Variants in XRCC4 observed in about 807,000 individuals in gnomAD.
XRCC4 encodes DNA repair protein XRCC4.
A neutral mutation model predicts 39.1 loss-of-function variants in XRCC4; 28 were observed. That is an observed-to-expected ratio of 0.72 (90% confidence interval 0.53 to 0.98). XRCC4 has a LOEUF of 0.98. Among genes scored for constraint, XRCC4 ranks in the 50% least tolerant of loss-of-function variants. The pLI is 0.00. For missense variants in XRCC4, 350 were observed against 376.4 expected, an observed-to-expected ratio of 0.93 and a Z score of 0.58; for synonymous variants, 123 against 126.4, an observed-to-expected ratio of 0.97 and a Z score of 0.18.
chr5:83,195,009 A>T (rs1401891074), intron 3 of XRCC4, among the ~76,000 whole-genome samples: 1 of 152,140 alleles, frequency 6.6e-6, no homozygotes, highest in East Asian at 1.9e-4. Context: ...ATAATTTGTT[A>T]TCTGTTATAA....
intron 3 of XRCC4, among the ~76,000 whole-genome samples, chr5:83,170,592 C>A (rs1490270568): frequency 6.6e-6 from 1 of 152,134 alleles, no homozygotes; most frequent in South Asian, 2.1e-4. Context: ...GCTCTCAGCT[C>A]CTAGAGGCCA....
At chr5:83,204,780 C>T (rs1216927800) in intron 5 of XRCC4, 35 bp from the exon 6 acceptor site, 1 of 1,538,708 alleles carries the variant, frequency 6.5e-7, no homozygotes, top group Non-Finnish European at 8.9e-7. Flanking sequence ...GGGGGTGAGC[C>T]AGTTATTTAT....
chr5:83,090,517 T>G (rs1444292622), intron 1 of XRCC4, among the ~76,000 whole-genome samples: 1 of 152,194 alleles, frequency 6.6e-6, no homozygotes, highest in Non-Finnish European at 1.5e-5. Context: ...GGTATGTCTA[T>G]CAGCAGTGTG....
rs142332594 is a variant in XRCC4, at chr5:83,311,601, G to A, written c.894-41530G>A. Among the ~76,000 whole-genome samples, 125 of 151,988 alleles carry A rather than the reference G, an allele frequency of 8.2e-4. 1 individual carries two copies. The East Asian group carries it at 0.022, about 27-fold the overall frequency. ...TTTTGTGGCAGAGAAGTATAATAAT[G>A]TCAGCAATAAAAGACTTTCAACCAT... is the stretch of plus-strand genomic sequence containing the variant. On this transcript the variant is annotated intron_variant, in intron 7 of 7. Coordinates refer to ENST00000396027, the MANE Select transcript of XRCC4 (RefSeq NM_003401.5).
chr5:83,230,665 A>G (rs1232323697), intron 6 of XRCC4, among the ~76,000 whole-genome samples: 4 of 152,008 alleles, frequency 2.6e-5, no homozygotes, highest in African/African-American at 4.8e-5. Flanking sequence ...TTTTTATAGC[A>G]TATGTTACAA....
At chr5:83,162,923 C>CT (rs376434538) in intron 3 of XRCC4, among the ~76,000 whole-genome samples, 34 of 137,852 alleles carry the variant, frequency 2.5e-4, no homozygotes, top group East Asian at 2.1e-3. Flanking sequence ...TTTCCTTTTT[C>CT]TTTTTTTTTT....
At chr5:83,151,707 G>A (rs1447135456) in intron 3 of XRCC4, among the ~76,000 whole-genome samples, 1 of 152,068 alleles carries the variant, frequency 6.6e-6, no homozygotes, top group Non-Finnish European at 1.5e-5. Context: ...CCTCACCAAT[G>A]TTCTGTGTGC....
chr5:83,231,065 G>A (rs1271895997), intron 6 of XRCC4, among the ~76,000 whole-genome samples: 1 of 151,984 alleles, frequency 6.6e-6, no homozygotes, highest in African/African-American at 2.4e-5. Flanking sequence ...ATACATGTCT[G>A]TAAGGAGAGG....
chr5:83,354,309 A>G (rs1425586894), downstream of XRCC4, among the ~76,000 whole-genome samples: 1 of 152,216 alleles, frequency 6.6e-6, no homozygotes, highest in African/African-American at 2.4e-5. Context: ...CCCAATAGTT[A>G]AAAGTTTGAG....
At position 83,274,498 on chromosome 5, in the gene XRCC4, A is replaced by G. The variant is rs185931479; in HGVS notation, c.893+15821A>G. ...AGGATAGAAGACATGGTGGGGAGCAAAACAGCTGAGATTATGTTTTAGTGG... is the reference window on the plus strand; with the variant it reads ...AGGATAGAAGACATGGTGGGGAGCAGAACAGCTGAGATTATGTTTTAGTGG... On this transcript the variant is annotated intron_variant, in intron 7 of 7. Coordinates refer to ENST00000396027, the MANE Select transcript of XRCC4 (RefSeq NM_003401.5). 9.2e-5 allele frequency among the ~76,000 whole-genome samples: 14 copies of G among 152,308 alleles called. No homozygotes were observed. In the East Asian group the frequency reaches 2.7e-3, roughly 29 times the overall value.
intron 1 of XRCC4, among the ~76,000 whole-genome samples, chr5:83,098,681 A>C (rs539860460): frequency 3.9e-5 from 6 of 152,116 alleles, no homozygotes; most frequent in Non-Finnish European, 5.9e-5. Context: ...CAAAAAAAAA[A>C]ATCTTAATTT....
At chr5:83,298,986 A>G (rs1278746139) in intron 7 of XRCC4, among the ~76,000 whole-genome samples, 3 of 151,934 alleles carry the variant, frequency 2.0e-5, no homozygotes, top group Non-Finnish European at 4.4e-5. Flanking sequence ...TATATAGTCA[A>G]TGCTCATTTT....
chr5:83,353,237 AT>A lies in XRCC4; in HGVS notation c.1003del (p.Ter335AsnfsTer11), dbSNP rs1561489185. 6.3e-7 allele frequency: 1 copy of A among 1,593,336 alleles called. No individual in the cohort carries two copies. The highest frequency in any genetic ancestry group is 1.1e-5 in the South Asian group (1 of 87,646). ...CAGCCCAGAAGACCTCTTTGATGAG[AT>A]TTAACAGTCTCAAAAAATACTTTGA... is the stretch of plus-strand genomic sequence containing the variant. ...NSSPEDLFDE[I>X] On this transcript the variant is annotated frameshift_variant, in exon 8 of 8. Coordinates refer to ENST00000396027, the MANE Select transcript of XRCC4 (RefSeq NM_003401.5). LOFTEE classifies it high-confidence loss of function.
At chr5:83,080,742 A>G (rs1252266174) in intron 1 of XRCC4, among the ~76,000 whole-genome samples, 1 of 152,124 alleles carries the variant, frequency 6.6e-6, no homozygotes, top group Non-Finnish European at 1.5e-5. Flanking sequence ...TTCTAGGAAT[A>G]CTTATTTTAC....
At chr5:83,091,117 A>G (rs909648293) in intron 1 of XRCC4, among the ~76,000 whole-genome samples, 1 of 152,210 alleles carries the variant, frequency 6.6e-6, no homozygotes, top group Non-Finnish European at 1.5e-5. Flanking sequence ...TTTCTCATAT[A>G]TAACTGAGGC....
At chr5:83,134,771 C>G (rs1043816928) in intron 3 of XRCC4, among the ~76,000 whole-genome samples, 1 of 152,168 alleles carries the variant, frequency 6.6e-6, no homozygotes, top group African/African-American at 2.4e-5. Context: ...TGGGTTCGCT[C>G]TGCCTTTATG....
chr5:83,098,353 T>C (rs1373172768), intron 1 of XRCC4, among the ~76,000 whole-genome samples: 2 of 152,152 alleles, frequency 1.3e-5, no homozygotes, highest in Non-Finnish European at 2.9e-5. Context: ...TACTACCTTA[T>C]GGTGACTAAA....
chr5:83,115,378 G>C (rs902523245), intron 3 of XRCC4, among the ~76,000 whole-genome samples: 11 of 152,174 alleles, frequency 7.2e-5, no homozygotes, highest in Non-Finnish European at 1.6e-4. Context: ...GGTAAGCCAA[G>C]ATCACACCAT....
intron 7 of XRCC4, among the ~76,000 whole-genome samples, chr5:83,267,812 T>TA (rs1455070786): frequency 6.6e-6 from 1 of 152,184 alleles, no homozygotes; most frequent in Admixed American, 6.6e-5. Context: ...AGGGCTATCC[T>TA]ATCAGGGGAA....
Sources: gnomAD v4.1 joint callset for allele counts (sites outside exome capture counted in the v4.1 genomes callset) on GRCh38, gnomAD v4.1.1 for gene constraint, MANE v1.5 for transcripts, NCBI Gene and HGNC (gene_info 2026-07-23, HGNC 2026-07-21) for gene names.